DCST1: variants seen among roughly 807,000 people sequenced by gnomAD.
DCST1 encodes E3 ubiquitin-protein ligase DCST1.
DCST1 carries 78 observed loss-of-function variants against 89.1 expected under a neutral mutation model. That is an observed-to-expected ratio of 0.88 (90% CI 0.73 to 1.06). DCST1 has a LOEUF of 1.06. Among genes scored for constraint, DCST1 ranks in the 50% least tolerant of loss-of-function variants. DCST1 has a pLI of 0.00. For missense variants in DCST1, 900 were observed against 928.6 expected (o/e 0.97, Z 0.40); for synonymous variants, 364 against 371.9 (o/e 0.98, Z 0.24).
At chr1:155,036,039 C>T (rs1189602211) in intron 4 of DCST1, among the ~76,000 whole-genome samples, 1 of 112,474 alleles carries the variant, frequency 8.9e-6, no homozygotes, top group African/African-American at 3.6e-5. Flanking sequence ...CAGAGTGAAA[C>T]TCTGTCTCAA....
chr1:155,047,441 G>A, intron 14 of DCST1, 129 bp downstream of exon 14: 1 of 811,382 alleles, frequency 1.2e-6, no homozygotes, highest in South Asian at 1.7e-5. Context: ...CGCTTGAGCT[G>A]GGGAAATCGG....
In DCST1 at chr1:155,034,324, G is replaced by T. The variant is rs975462999; in HGVS notation, c.62-111G>T. 2.5e-6 allele frequency: 4 copies of T among 1,605,030 alleles called. No homozygotes were observed. In the African/African-American group the frequency reaches 5.3e-5, roughly 21 times the overall value. On this transcript the variant is annotated intron_variant, in intron 2 of 16. Coordinates refer to ENST00000295542, the MANE Select transcript of DCST1 (RefSeq NM_152494.4). ...CTCCAGGGTCCCCTAAGTTCCTACTGTTTCACATGCCAGGTTTCCCCAGCC... is the reference window on the plus strand; with the variant it reads ...CTCCAGGGTCCCCTAAGTTCCTACTTTTTCACATGCCAGGTTTCCCCAGCC...
rs761884526 is a variant in DCST1 at position 155,041,425 on chromosome 1, C to G, written c.560C>G (p.Thr187Ser). Reference sequence around the variant, plus strand: ...AGCAAAGAATTGCTGAGAGCAGAGACTCGGAACATCTCCGCCACTTTTGAG... The same window carrying G: ...AGCAAAGAATTGCTGAGAGCAGAGAGTCGGAACATCTCCGCCACTTTTGAG... Reference protein sequence around the residue: ...LSSKELLRAETRNISATFEDL... With the variant: ...LSSKELLRAESRNISATFEDL... The change falls in exon 7 of 17, where the codon ACT becomes AGT. Residue 187 changes from threonine (T) to serine (S), a missense_variant. Transcript: ENST00000295542. 1 of 1,613,898 alleles carries G rather than the reference C, an allele frequency of 6.2e-7. No homozygotes were observed. The highest frequency in any genetic ancestry group is 1.1e-5 in the South Asian group (1 of 91,086).
intron 5 of DCST1, 146 bp from the exon 6 acceptor site, chr1:155,040,339 G>T: frequency 4.3e-6 from 3 of 693,174 alleles, no homozygotes; most frequent in Non-Finnish European, 6.4e-6. Flanking sequence ...AAAAATCAAA[G>T]GTTGAACAAG....
chr1:155,041,037 G>A (rs1660423069), intron 6 of DCST1, among the ~76,000 whole-genome samples: 1 of 152,100 alleles, frequency 6.6e-6, no homozygotes, highest in Non-Finnish European at 1.5e-5. Context: ...GGGTTTGGAA[G>A]TTGGGGGCAT....
At chr1:155,048,917 C>A in intron 16 of DCST1, 1 of 664,826 alleles carries the variant, frequency 1.5e-6, no homozygotes. Context: ...TGCAGGGGCA[C>A]ATGGTAAGGC....
intron 16 of DCST1, among the ~76,000 whole-genome samples, chr1:155,050,006 A>AG (rs1218016977): frequency 6.6e-6 from 1 of 152,242 alleles, no homozygotes; most frequent in Non-Finnish European, 1.5e-5. Context: ...GAGGCTAGAA[A>AG]GGGACCAGGT....
Position 155,050,905 on chromosome 1 carries a change from C to G in DCST1, c.*37C>G. 3.1e-6 allele frequency: 5 copies of G among 1,595,846 alleles called. No individual in the cohort carries two copies. The highest frequency in any genetic ancestry group is 4.3e-6 in the Non-Finnish European group (5 of 1,166,910). ...GCTCGCTCTTCCGCACCGTCCTTCCCGGTTAATAAAATGCCCTGTACGCTT... is the reference window on the plus strand; with the variant it reads ...GCTCGCTCTTCCGCACCGTCCTTCCGGGTTAATAAAATGCCCTGTACGCTT... On this transcript the variant is annotated 3_prime_UTR_variant, in exon 17 of 17. Coordinates refer to ENST00000295542, the MANE Select transcript of DCST1 (RefSeq NM_152494.4).
chr1:155,034,480 G>A lies in DCST1; in HGVS notation c.107G>A (p.Trp36Ter), dbSNP rs747286483. Residue 36 changes from tryptophan (W) to a stop codon, truncating the protein, a stop_gained, in exon 3 of 17, where the codon TGG (tryptophan) becomes TAG (stop). Transcript: ENST00000295542. LOFTEE classifies it high-confidence loss of function. ...TGGGGGCTGCCAGTCTCCTGTAGCT[G>A]GTTCCTGTGGCGCCAGCCGGGCGAG... ...LTWGLPVSCS[W>*]FLWRQPGEFP... The A allele has an allele frequency of 2.2e-5, 36 of 1,614,032 alleles. No homozygotes were observed. Among genetic ancestry groups the A allele is most frequent in the Non-Finnish European group, 3.0e-5 (35 of 1,180,032 alleles).
chr1:155,048,950 C>G, intron 16 of DCST1: 1 of 708,270 alleles, frequency 1.4e-6, no homozygotes, highest in East Asian at 2.7e-5. Flanking sequence ...AGGAAGCAGA[C>G]TCCAGTCCAT....
chr1:155,044,201 G>A (rs756925701), intron 10 of DCST1, among the ~76,000 whole-genome samples: 104 of 152,182 alleles, frequency 6.8e-4, no homozygotes, highest in Non-Finnish European at 1.3e-3. Flanking sequence ...GCTCATGATC[G>A]CCAGGCATGG....
chr1:155,046,254 CAA>C (rs775403914), intron 12 of DCST1, 34 bp downstream of exon 12: 2 of 1,614,082 alleles, frequency 1.2e-6, no homozygotes, highest in Non-Finnish European at 1.7e-6. Flanking sequence ...CTCCTGGGTG[CAA>C]AGACAGGCCT....
chr1:155,040,696 G>A, intron 6 of DCST1, 72 bp downstream of exon 6: 3 of 1,483,424 alleles, frequency 2.0e-6, no homozygotes, highest in Non-Finnish European at 2.7e-6. Context: ...GCTGGGAGTT[G>A]TCACCCTGGA....
chr1:155,048,971 T>C (rs200306569), intron 16 of DCST1: 1 of 715,384 alleles, frequency 1.4e-6, no homozygotes, highest in Non-Finnish European at 2.6e-6. Flanking sequence ...ACTCCCTCAT[T>C]AAGTTGTGTC....
chr1:155,039,437 C>T lies in DCST1; in HGVS notation c.297C>T (p.His99=). 1 of 1,598,896 alleles carries T rather than the reference C, an allele frequency of 6.3e-7. No individual in the cohort carries two copies. Among genetic ancestry groups the T allele is most frequent in the Non-Finnish European group, 8.5e-7 (1 of 1,172,512 alleles). The part of the protein sequence containing the change: ...LGAMGWGTSP[H]IRCASLLLVP... ...CCATGGGCTGGGGGACCTCCCCTCA[C>T]ATCCGCTGTGCCAGCCTCCTACTAG... Residue 99 remains histidine, a synonymous_variant, in exon 5 of 17, where the codon CAC becomes CAT. Coordinates refer to ENST00000295542, the MANE Select transcript of DCST1 (RefSeq NM_152494.4).
rs77429755 is a variant in DCST1, at chr1:155,034,779, G to A, written c.262+52G>A. 1.3e-4 allele frequency: 212 copies of A among 1,595,996 alleles called. 1 individual carries two copies. In the East Asian group the frequency reaches 4.3e-3, roughly 32 times the overall value. ...ACTCAAGCGGCCTGTGGAACACAGCGCCGTCCTGCATGCCCAGGAAGGAGT... is the reference window on the plus strand; with the variant it reads ...ACTCAAGCGGCCTGTGGAACACAGCACCGTCCTGCATGCCCAGGAAGGAGT... On this transcript the variant is annotated intron_variant, in intron 4 of 16. Coordinates refer to ENST00000295542, the MANE Select transcript of DCST1 (RefSeq NM_152494.4).
rs61730947 is a variant in DCST1 at position 155,034,705 on chromosome 1, T to G, written c.240T>G (p.Ile80Met). 7,604 of 1,614,094 alleles carry G rather than the reference T, an allele frequency of 4.7e-3. 308 individuals carry two copies. In the African/African-American group the frequency reaches 0.089, roughly 19 times the overall value. ...NPMNIYEEQK[I>M]MFLYSLVGLG... ...TGAACATCTACGAAGAACAGAAGAT[T>G]ATGTTCTTGTACAGCTTGGTGGGTT... is the stretch of plus-strand genomic sequence containing the variant. The change falls in exon 4 of 17, where the codon ATT becomes ATG. Residue 80 changes from isoleucine (I) to methionine (M), a missense_variant. Coordinates refer to ENST00000295542, the MANE Select transcript of DCST1 (RefSeq NM_152494.4).
At chr1:155,039,990 CAAAAAAAAAAAAA>C (rs55764638) in intron 5 of DCST1, among the ~76,000 whole-genome samples, 8 of 13,396 alleles carry the variant, frequency 6.0e-4, no homozygotes, top group East Asian at 2.7e-3. Context: ...GACTCCGTCT[CAAAAAAAAAAAAA>C]AAAAAAAAAA....
chr1:155,041,600 G>A lies in DCST1; in HGVS notation c.735G>A (p.Lys245=). The A allele has an allele frequency of 1.2e-6, 2 of 1,614,192 alleles. No homozygotes were observed. Among genetic ancestry groups the A allele is most frequent in the East Asian group, 2.2e-5 (1 of 44,892 alleles). Residue 245 remains lysine (K), a synonymous_variant, in exon 7 of 17, where the codon AAG becomes AAA. Transcript: ENST00000295542. ...STQKMYELKT[K]LRCSYVVNQA... is the part of the protein sequence containing the mutation. ...AGAAGATGTATGAGCTGAAGACCAA[G>A]CTGCGTTGCTCCTGTGAGGGGTATC...
Sources: gnomAD v4.1 joint callset for allele counts (sites outside exome capture counted in the v4.1 genomes callset) on GRCh38, gnomAD v4.1.1 for gene constraint, MANE v1.5 for transcripts, NCBI Gene and HGNC (gene_info 2026-07-23, HGNC 2026-07-21) for gene names.